Variants in GPM6B observed in about 807,000 individuals in gnomAD.
The protein encoded by GPM6B is glycoprotein M6B.
GPM6B carries 4 observed loss-of-function variants against 27.2 expected under a neutral mutation model. That is an observed-to-expected ratio of 0.15 (90% CI 0.07 to 0.34). The LOEUF (loss-of-function observed/expected upper bound fraction) is 0.34, where lower values mean the gene tolerates loss of function less well. Among genes scored for constraint, GPM6B ranks in the 10% least tolerant of loss-of-function variants. The pLI, the probability that GPM6B is intolerant of heterozygous loss-of-function variation, is 1.00. For synonymous variants in GPM6B, 124 were observed against 103.1 expected (o/e 1.20, Z -1.23); for missense variants, 183 against 261.9 (o/e 0.70, Z 2.08).
chrX:13,777,273 C>T (rs1395905507), intron 6 of GPM6B, 79 bp downstream of exon 6: 13 of 693,264 alleles, frequency 1.9e-5, no homozygotes, highest in Non-Finnish European at 3.0e-5. Flanking sequence ...AACCATCTCT[C>T]TCGCTCTTTC....
rs980658560 is a variant in GPM6B, at chrX:13,774,687, T to G, written c.837+1551A>C. 3.3e-6 allele frequency: 3 copies of G among 912,357 alleles called. No individual in the cohort carries two copies. The African/African-American group carries it at 5.8e-5, about 18-fold the overall frequency. The allele number at this position is 912,357 out of a possible 1,213,427, so 75.2% of individuals were successfully genotyped here. A position where few individuals can be genotyped will look rare whatever the true frequency, so the allele number is the denominator to read the frequency against. On this transcript the variant is annotated intron_variant, in intron 7 of 7. Transcript: ENST00000316715. ...GCAGTGAGGGCCGATGCCATGACACTTCTAAACTTGGGTGGGGACGGGTGC... is the reference window on the plus strand; with the variant it reads ...GCAGTGAGGGCCGATGCCATGACACGTCTAAACTTGGGTGGGGACGGGTGC...
intron 2 of GPM6B, among the ~76,000 whole-genome samples, chrX:13,806,585 C>T (rs908355024): frequency 2.7e-5 from 3 of 111,730 alleles, no homozygotes; most frequent in African/African-American, 9.8e-5. Context: ...CTAAATCCAA[C>T]GTCAGATTTC....
chrX:13,936,295 CATT>C (rs1452708592), intron 1 of GPM6B, among the ~76,000 whole-genome samples: 3 of 112,185 alleles, frequency 2.7e-5, no homozygotes, highest in Non-Finnish European at 5.6e-5. Flanking sequence ...CACCACTACT[CATT>C]ATTTTATTTT....
intron 1 of GPM6B, among the ~76,000 whole-genome samples, chrX:13,814,175 C>G (rs1428592114): frequency 8.9e-6 from 1 of 112,230 alleles, no homozygotes; most frequent in Non-Finnish European, 1.9e-5. Flanking sequence ...AAAGCAAGGT[C>G]AATTTATAAA....
At chrX:13,846,785 G>A (rs1026760250) in intron 1 of GPM6B, among the ~76,000 whole-genome samples, 15 of 67,798 alleles carry the variant, frequency 2.2e-4, no homozygotes, top group Admixed American at 7.0e-4. Flanking sequence ...GAGCCACTGC[G>A]CCAGCTTTTT....
At chrX:13,840,142 T>C (rs1004271129) in intron 1 of GPM6B, among the ~76,000 whole-genome samples, 1 of 112,275 alleles carries the variant, frequency 8.9e-6, no homozygotes, top group Admixed American at 9.4e-5. Flanking sequence ...TGAGAAGGCA[T>C]GTAATACTTG....
At chrX:13,938,431 C>A (rs1216248654), upstream of GPM6B, 2 of 519,665 alleles carry the variant, frequency 3.8e-6, no homozygotes, top group African/African-American at 2.4e-5. Flanking sequence ...AGGGGCGGGA[C>A]CCTCGGAAGG....
chrX:13,938,526 G>T (rs1436604000), upstream of GPM6B: 1 of 909,725 alleles, frequency 1.1e-6, no homozygotes, highest in East Asian at 4.0e-5. Flanking sequence ...GAGACTGGCG[G>T]GAGGGGTGAG....
chrX:13,794,190 T>C (rs933544704), intron 2 of GPM6B, among the ~76,000 whole-genome samples: 1 of 108,004 alleles, frequency 9.3e-6, no homozygotes, highest in East Asian at 2.9e-4. Flanking sequence ...CTCTCTCTTT[T>C]TTTTTTTTTT....
At chrX:13,802,169 CAT>C (rs10556306) in intron 2 of GPM6B, among the ~76,000 whole-genome samples, 27,580 of 109,656 alleles carry the variant, frequency 0.25, 2,811 homozygotes, top group Admixed American at 0.45. Flanking sequence ...TATATGAAAA[CAT>C]ATAACATAAG....
In GPM6B at chrX:13,794,170, T is replaced by TTCTC. The variant is rs775581413; in HGVS notation, c.182-8366_182-8363dup. Among the ~76,000 whole-genome samples, 167 of 107,900 alleles carry TTCTC rather than the reference T, an allele frequency of 1.5e-3. 1 individual carries two copies. The highest frequency in any genetic ancestry group is 5.5e-3 in the African/African-American group (160 of 29,267). The allele number at this position is 107,900 out of a possible 115,157, so 93.7% of individuals were successfully genotyped here. ...GCAGACCTCTGTTAAAGAGCAGTGGTTCTCTCTCTCTCTCTCTTTTTTTTT... is the reference window on the plus strand; with the variant it reads ...GCAGACCTCTGTTAAAGAGCAGTGGTTCTCTCTCTCTCTCTCTCTCTTTTTTTTT... On this transcript the variant is annotated intron_variant, in intron 2 of 7. Transcript: ENST00000316715.
intron 1 of GPM6B, among the ~76,000 whole-genome samples, chrX:13,923,099 C>A (rs528184476): frequency 9.0e-5 from 10 of 110,879 alleles, no homozygotes; most frequent in African/African-American, 3.3e-4. Context: ...TAGCTTGAAC[C>A]CAGGACGCAG....
chrX:13,792,654 C>T (rs909122558), intron 2 of GPM6B, among the ~76,000 whole-genome samples: 4 of 112,006 alleles, frequency 3.6e-5, no homozygotes, highest in East Asian at 5.6e-4. Flanking sequence ...GTAATCCCAG[C>T]ACTTTGGGAG....
At chrX:13,844,665 G>A (rs1159356680) in intron 1 of GPM6B, among the ~76,000 whole-genome samples, 2 of 111,536 alleles carry the variant, frequency 1.8e-5, no homozygotes, top group East Asian at 2.8e-4. Flanking sequence ...GATCAATGCC[G>A]GGATCTGGAA....
At chrX:13,857,942 C>T (rs1410737243) in intron 1 of GPM6B, among the ~76,000 whole-genome samples, 1 of 112,397 alleles carries the variant, frequency 8.9e-6, no homozygotes, top group Non-Finnish European at 1.9e-5. Context: ...TTCATTCAGC[C>T]ACTACGACTG....
chrX:13,926,281 G>A (rs1291955446), intron 1 of GPM6B, among the ~76,000 whole-genome samples: 1 of 106,562 alleles, frequency 9.4e-6, no homozygotes, highest in South Asian at 4.1e-4. Flanking sequence ...AGTGGCGGGC[G>A]CCTGTAGTCC....
chrX:13,865,288 C>T (rs1443869892), intron 1 of GPM6B, among the ~76,000 whole-genome samples: 1 of 109,990 alleles, frequency 9.1e-6, no homozygotes, highest in African/African-American at 3.3e-5. Flanking sequence ...AGGTAGTAAA[C>T]TCACTAGCTC....
chrX:13,935,230 G>A (rs1603154526), intron 1 of GPM6B, among the ~76,000 whole-genome samples: 2 of 108,020 alleles, frequency 1.9e-5, no homozygotes, highest in African/African-American at 6.8e-5. Flanking sequence ...CACTCACAGT[G>A]GCTCACGCCT....
At chrX:13,890,911 T>C (rs1480904764) in intron 1 of GPM6B, among the ~76,000 whole-genome samples, 1 of 111,192 alleles carries the variant, frequency 9.0e-6, no homozygotes, top group Non-Finnish European at 1.9e-5. Flanking sequence ...AGCTGCAATA[T>C]AACCACAATG....
Sources: gnomAD v4.1 joint callset for allele counts (sites outside exome capture counted in the v4.1 genomes callset) on GRCh38, gnomAD v4.1.1 for gene constraint, MANE v1.5 for transcripts, NCBI Gene and HGNC (gene_info 2026-07-23, HGNC 2026-07-21) for gene names.